The following IL1R2 variants were observed in gnomAD, a reference collection of about 807,000 sequenced individuals.
IL1R2 encodes interleukin-1 receptor type 2.
IL1R2 carries 46 observed loss-of-function variants against 39.5 expected under a neutral mutation model. That is an observed-to-expected ratio of 1.16 (90% CI 0.92 to 1.49). The LOEUF (loss-of-function observed/expected upper bound fraction) is 1.49. Among genes scored for constraint, IL1R2 ranks in the 40% most tolerant of loss-of-function variants. The pLI is 0.00. For synonymous variants in IL1R2, 207 were observed against 189.6 expected (o/e 1.09, Z -0.75); for missense variants, 537 against 502.0 (o/e 1.07, Z -0.67).
Position 102,010,990 on chromosome 2 carries a change from A to G in IL1R2, c.332+1164A>G, listed in dbSNP as rs3218865. ...ACCTCGTTTAAATCGTTTAAGTGAA[A>G]TCAGTCTTTCTGTGACTGAATTATT... is the stretch of plus-strand genomic sequence containing the variant. On this transcript the variant is annotated intron_variant, in intron 3 of 8. Transcript: ENST00000332549. 6.2e-3 allele frequency among the ~76,000 whole-genome samples: 948 copies of G among 152,312 alleles called. 10 individuals are homozygous for G. Among genetic ancestry groups the G allele is most frequent in the African/African-American group, 0.022 (904 of 41,572 alleles).
At chr2:102,024,710 C>T (rs775181501) in intron 7 of IL1R2, 42 bp downstream of exon 7, 27 of 1,612,094 alleles carry the variant, frequency 1.7e-5, no homozygotes, top group South Asian at 5.5e-5. Context: ...CTGTGGGTTT[C>T]GCTCTTCCTT....
At chr2:101,997,321 T>C (rs994092999) in intron 1 of IL1R2, among the ~76,000 whole-genome samples, 1 of 152,210 alleles carries the variant, frequency 6.6e-6, no homozygotes, top group Non-Finnish European at 1.5e-5. Context: ...TTGTTTCTTC[T>C]GTGGCTTAGA....
rs566165327 is a variant in IL1R2 at position 102,019,710 on chromosome 2, G to A, written c.586G>A (p.Asp196Asn). The change falls in exon 5 of 9, where the codon GAT becomes AAT. Residue 196 changes from aspartate to asparagine, a missense_variant. Coordinates refer to ENST00000332549, the MANE Select transcript of IL1R2 (RefSeq NM_004633.4). ...VRGTTHLLVH[D>N]VALEDAGYYR... ...GGGGACCACTCACTTACTCGTACAC[G>A]ATGTGGCCCTGGAAGATGCTGGCTA... The A allele has an allele frequency of 3.0e-5, 48 of 1,613,882 alleles. No individual in the cohort carries two copies. In the South Asian group the frequency reaches 4.8e-4, roughly 16 times the overall value.
intron 1 of IL1R2, among the ~76,000 whole-genome samples, chr2:101,992,552 C>A (rs1348271338): frequency 1.5e-5 from 2 of 137,632 alleles, no homozygotes; most frequent in African/African-American, 5.6e-5. Flanking sequence ...CAGAGAGAGG[C>A]AGAGAGACAG....
intron 6 of IL1R2, 65 bp downstream of exon 6, chr2:102,022,314 G>GTCCCAA: frequency 4.3e-6 from 6 of 1,395,518 alleles, no homozygotes; most frequent in Non-Finnish European, 6.1e-6. Context: ...CAATGCAGGG[G>GTCCCAA]GCTTGGGACC....
Position 102,016,026 on chromosome 2 carries a change from C to G in IL1R2, c.488C>G (p.Thr163Ser). The G allele has an allele frequency of 2.5e-6, 4 of 1,613,808 alleles. No individual in the cohort carries two copies. The highest frequency in any genetic ancestry group is 2.5e-6 in the Non-Finnish European group (3 of 1,179,854). The part of the protein sequence containing the change: ...PDLSEFTRDK[T>S]DVKIQWYKDS... ...CTGAGTGAATTCACCCGTGACAAAA[C>G]TGACGTGAAGATTCAATGGTACAAG... Residue 163 changes from threonine to serine, a missense_variant, in exon 4 of 9, where the codon ACT becomes AGT. Transcript: ENST00000332549.
intron 1 of IL1R2, among the ~76,000 whole-genome samples, chr2:102,002,655 T>C (rs1028110257): frequency 2.0e-5 from 3 of 152,134 alleles, no homozygotes; most frequent in Non-Finnish European, 2.9e-5. Context: ...TCTGTGTCTA[T>C]GTCTATGTCT....
chr2:102,016,925 G>A (rs28385680), intron 4 of IL1R2, among the ~76,000 whole-genome samples: 2,050 of 152,238 alleles, frequency 0.013, 49 homozygotes, highest in Non-Finnish European at 0.015. Flanking sequence ...TAAAAGGGCC[G>A]TAATTAATAT....
At position 102,009,549 on chromosome 2, in the gene IL1R2, C is replaced by T. The variant is rs1352240414; in HGVS notation, c.68-13C>T. The T allele has an allele frequency of 3.1e-6, 5 of 1,612,402 alleles. No individual in the cohort carries two copies. The East Asian group carries it at 6.7e-5, about 22-fold the overall frequency. On this transcript the variant is annotated splice_polypyrimidine_tract_variant and intron_variant, in intron 2 of 8. Coordinates refer to ENST00000332549, the MANE Select transcript of IL1R2 (RefSeq NM_004633.4). Reference sequence around the variant, plus strand: ...TGGACCCAAAGCCTGACCATGGGCTCTCTGTCCTTCAGGGGCTGCCAGAAG... The same window carrying T: ...TGGACCCAAAGCCTGACCATGGGCTTTCTGTCCTTCAGGGGCTGCCAGAAG...
intron 3 of IL1R2, 38 bp downstream of exon 3, chr2:102,009,864 G>A (rs759144620): frequency 1.8e-5 from 29 of 1,604,354 alleles, no homozygotes; most frequent in Non-Finnish European, 2.4e-5. Flanking sequence ...GGGGATCCTG[G>A]CAGGATGGAG....
At chr2:101,994,885 G>A (rs150041440) in intron 1 of IL1R2, among the ~76,000 whole-genome samples, 1 of 152,356 alleles carries the variant, frequency 6.6e-6, no homozygotes, top group Admixed American at 6.5e-5. Flanking sequence ...TGGGGGCAAG[G>A]AAGAAGTTAG....
chr2:102,013,524 C>CAAAAAAAA (rs771727938), intron 3 of IL1R2, among the ~76,000 whole-genome samples: 3 of 5,692 alleles, frequency 5.3e-4, no homozygotes, highest in African/African-American at 1.3e-3. Flanking sequence ...TCTATCACTG[C>CAAAAAAAA]AAAAAAAAAA....
intron 1 of IL1R2, among the ~76,000 whole-genome samples, chr2:101,994,452 C>T (rs1009604455): frequency 1.1e-4 from 17 of 152,192 alleles, no homozygotes; most frequent in African/African-American, 3.4e-4. Context: ...ATGACAGTGT[C>T]TTTGCCCAGT....
chr2:102,022,816 C>T (rs1214487227), intron 6 of IL1R2, among the ~76,000 whole-genome samples: 1 of 152,210 alleles, frequency 6.6e-6, no homozygotes, highest in East Asian at 1.9e-4. Context: ...CACTAGTGGC[C>T]AGTGAGGGTA....
chr2:102,013,919 A>G (rs1676825108), intron 3 of IL1R2, among the ~76,000 whole-genome samples: 1 of 152,174 alleles, frequency 6.6e-6, no homozygotes, highest in Non-Finnish European at 1.5e-5. Flanking sequence ...CCATGTGCTC[A>G]GAATAGGGAG....
At position 102,024,566 on chromosome 2, in the gene IL1R2, T is replaced by A. The variant is rs753708553; in HGVS notation, c.785T>A (p.Leu262Gln). 1.2e-6 allele frequency: 2 copies of A among 1,614,020 alleles called. No homozygotes were observed. The highest frequency in any genetic ancestry group is 4.5e-5 in the East Asian group (2 of 44,868). The change falls in exon 7 of 9, where the codon CTG becomes CAG. Residue 262 changes from leucine (L) to glutamine (Q), a missense_variant. Transcript: ENST00000332549. ...SRLTIPCKVF[L>Q]GTGTPLTTML... is the part of the protein sequence containing the mutation. ...CTGACAATCCCGTGTAAGGTGTTTC[T>A]GGGAACCGGCACACCCTTAACCACC...
intron 3 of IL1R2, among the ~76,000 whole-genome samples, chr2:102,012,478 G>C (rs1158129015): frequency 6.6e-6 from 1 of 152,028 alleles, no homozygotes; most frequent in Non-Finnish European, 1.5e-5. Context: ...TCCTAGGCTG[G>C]GTGTGTGTGT....
intron 1 of IL1R2, among the ~76,000 whole-genome samples, chr2:101,996,690 T>C (rs1675607326): frequency 1.3e-5 from 2 of 151,252 alleles, no homozygotes; most frequent in Admixed American, 1.3e-4. Context: ...TGGAAGAAAA[T>C]ATTTCCAAAA....
Position 102,028,392 on chromosome 2 carries a change from A to G in IL1R2, c.1197A>G (p.Ter399TrpextTer41). Residue 399 changes from the stop codon to tryptophan (W), a stop_lost, in exon 9 of 9, where the codon TGA becomes TGG. Coordinates refer to ENST00000332549, the MANE Select transcript of IL1R2 (RefSeq NM_004633.4). ...HHQDFQSYPK* is the reference protein window; with the variant it reads ...HHQDFQSYPKW ...AAGACTTTCAATCCTATCCCAAGTG[A>G]AATAAATGGAATGAAATAATTCAAA... 6.3e-7 allele frequency: 1 copy of G among 1,583,162 alleles called. No homozygotes were observed. The highest frequency in any genetic ancestry group is 8.6e-7 in the Non-Finnish European group (1 of 1,161,612).
Sources: allele counts gnomAD v4.1 joint callset (sites outside exome capture counted in the v4.1 genomes callset), GRCh38; gene constraint gnomAD v4.1.1; transcripts MANE v1.5; gene names NCBI Gene and HGNC (gene_info 2026-07-23, HGNC 2026-07-21).